The following ZNF469 variants were observed in gnomAD, a reference collection of about 807,000 sequenced individuals.
ZNF469 encodes zinc finger protein 469.
In ZNF469, 1 loss-of-function variant was observed where a neutral mutation model predicts 1.0. The observed-to-expected ratio is 1.00, with a 90% CI of 0.35 to 4.73. ZNF469 has a LOEUF of 4.73. Ranked by LOEUF, ZNF469 falls within the 30% of genes most tolerant of loss-of-function variation. The pLI is 0.16. For missense variants in ZNF469, 6,100 were observed against 5,356.3 expected (o/e 1.14, Z -4.33); for synonymous variants, 2,703 against 2,363.4 (o/e 1.14, Z -4.17).
At chr16:88,300,653 T>G in the ZNF469 span, among the ~76,000 whole-genome samples, 1 of 152,132 alleles carries the variant, frequency 6.6e-6, no homozygotes, top group Non-Finnish European at 1.5e-5. Context: ...CTTGGAATAA[T>G]GAACAAGTGA....
chr16:88,224,968 G>A, the ZNF469 span, among the ~76,000 whole-genome samples: 1 of 152,190 alleles, frequency 6.6e-6, no homozygotes, highest in Non-Finnish European at 1.5e-5. Flanking sequence ...GTGGGATGGT[G>A]GGGCCCCAAC....
chr16:88,135,748 G>GTTTTTTTTTTTTTTTT, the ZNF469 span, among the ~76,000 whole-genome samples: 2 of 66,924 alleles, frequency 3.0e-5, no homozygotes, highest in Admixed American at 1.9e-4. Flanking sequence ...AGCTGGCCAT[G>GTTTTTTTTTTTTTTTT]TTTTTTTTTT....
At chr16:88,326,117 G>A in the ZNF469 span, among the ~76,000 whole-genome samples, 30 of 152,220 alleles carry the variant, frequency 2.0e-4, no homozygotes, top group African/African-American at 7.2e-4. Flanking sequence ...TTTGTGATAT[G>A]GTTTGGCTGT....
Position 88,433,856 on chromosome 16 carries a change from C to G in ZNF469, c.6386C>G (p.Pro2129Arg). 1.3e-6 allele frequency: 2 copies of G among 1,549,514 alleles called. No homozygotes were observed. The highest frequency in any genetic ancestry group is 1.7e-6 in the Non-Finnish European group (2 of 1,146,544). The part of the protein sequence containing the change: ...SAAHMPCSLG[P>R]LPREDPLTSP... ...GCCCACATGCCCTGCAGCCTTGGGC[C>G]CCTGCCCCGTGAAGACCCACTTACC... The change falls in exon 3 of 3, where the codon CCC (proline) becomes CGC (arginine). Residue 2129 changes from proline (P) to arginine (R), a missense_variant. Transcript: ENST00000565624.
chr16:88,218,324 T>C, the ZNF469 span, among the ~76,000 whole-genome samples: 90 of 150,634 alleles, frequency 6.0e-4, no homozygotes, highest in African/African-American at 1.8e-3. Flanking sequence ...TTGAGTTCAT[T>C]GTAGATTCTG....
chr16:88,357,972 C>T, the ZNF469 span, among the ~76,000 whole-genome samples: 2 of 152,200 alleles, frequency 1.3e-5, no homozygotes, highest in Non-Finnish European at 2.9e-5. Flanking sequence ...GCATTTGGCC[C>T]GAAATGTCCA....
the ZNF469 span, among the ~76,000 whole-genome samples, chr16:88,207,896 C>T: frequency 2.6e-5 from 4 of 152,120 alleles, no homozygotes; most frequent in African/African-American, 7.2e-5. Context: ...CATATGAAGA[C>T]GCGGTCACAG....
chr16:88,270,541 C>G, the ZNF469 span, among the ~76,000 whole-genome samples: 7 of 152,220 alleles, frequency 4.6e-5, no homozygotes, highest in African/African-American at 1.7e-4. Context: ...GTGCATGCTT[C>G]TGTGCCTGAG....
At chr16:88,232,117 G>C in the ZNF469 span, among the ~76,000 whole-genome samples, 2 of 152,172 alleles carry the variant, frequency 1.3e-5, no homozygotes, top group South Asian at 4.1e-4. Context: ...CCACGCAAAG[G>C]CTGGGCACTG....
chr16:88,159,984 A>C, the ZNF469 span, among the ~76,000 whole-genome samples: 325 of 152,290 alleles, frequency 2.1e-3, 2 homozygotes, highest in African/African-American at 7.4e-3. Context: ...ATTTGGGCCC[A>C]AGGCTGCCTG....
At chr16:88,251,058 A>C in the ZNF469 span, among the ~76,000 whole-genome samples, 1 of 152,234 alleles carries the variant, frequency 6.6e-6, no homozygotes, top group African/African-American at 2.4e-5. Context: ...TTATATTTTC[A>C]GTAGAGACGG....
the ZNF469 span, among the ~76,000 whole-genome samples, chr16:88,231,056 C>A: frequency 6.6e-6 from 1 of 152,148 alleles, no homozygotes; most frequent in African/African-American, 2.4e-5. This position sits in a 1 kb window ranked among gnomAD's most constrained non-coding sequence, Gnocchi z 4.5. Flanking sequence ...GCCGCACGTG[C>A]CCTCCCCTCC....
the ZNF469 span, among the ~76,000 whole-genome samples, chr16:88,112,722 T>A: frequency 6.6e-6 from 1 of 151,056 alleles, no homozygotes; most frequent in Non-Finnish European, 1.5e-5. Flanking sequence ...TTTCCTCCCA[T>A]TCTGTGGGGT....
chr16:88,126,277 C>G, the ZNF469 span, among the ~76,000 whole-genome samples: 1 of 146,632 alleles, frequency 6.8e-6, no homozygotes, highest in Non-Finnish European at 1.5e-5. Flanking sequence ...ATTTCTTCCT[C>G]TCCTGCATGC....
chr16:88,305,847 A>T, the ZNF469 span, among the ~76,000 whole-genome samples: 11 of 152,212 alleles, frequency 7.2e-5, no homozygotes, highest in African/African-American at 2.4e-4. Context: ...CCAGACACAG[A>T]TGCACACTCA....
the ZNF469 span, among the ~76,000 whole-genome samples, chr16:88,305,340 TCACACACATG>T: frequency 1.2e-4 from 12 of 98,042 alleles, no homozygotes; most frequent in African/African-American, 4.8e-4. Context: ...ACGCACACCC[TCACACACATG>T]CACACACATG....
rs1483925080 is a variant in ZNF469 at position 88,435,939 on chromosome 16, C to A, written c.8469C>A (p.Asp2823Glu). 1.9e-6 allele frequency: 3 copies of A among 1,550,034 alleles called. No individual in the cohort carries two copies. The highest frequency in any genetic ancestry group is 2.6e-6 in the Non-Finnish European group (3 of 1,146,996). Residue 2823 changes from aspartate (D) to glutamate (E), a missense_variant, in exon 3 of 3, where the codon GAC becomes GAA. Asp to Glu is a conservative substitution (Grantham distance 45). Transcript: ENST00000565624. ...TTSSCLQGLP[D>E]NPDTQGGVQG... is the part of the protein sequence containing the mutation. ...GCAGCTGCCTCCAGGGCCTCCCGGA[C>A]AACCCAGACACCCAGGGTGGAGTCC...
chr16:88,228,589 C>T, the ZNF469 span, among the ~76,000 whole-genome samples: 3 of 152,220 alleles, frequency 2.0e-5, no homozygotes, highest in South Asian at 2.1e-4. Context: ...CCTGAGTGTC[C>T]AAACCTGGCA....
At chr16:88,193,087 G>GTGA in the ZNF469 span, among the ~76,000 whole-genome samples, 2 of 122,248 alleles carry the variant, frequency 1.6e-5, no homozygotes, top group African/African-American at 3.2e-5. Flanking sequence ...GGTGATGGTG[G>GTGA]TGGTGATGGT....
Sources: allele counts gnomAD v4.1 joint callset (sites outside exome capture counted in the v4.1 genomes callset), GRCh38; gene constraint gnomAD v4.1.1; non-coding constraint Gnocchi (gnomAD v3.1); transcripts MANE v1.5; gene names NCBI Gene and HGNC (gene_info 2026-07-23, HGNC 2026-07-21).